MCTP2: variants seen among roughly 807,000 people sequenced by gnomAD.
The protein encoded by MCTP2 is multiple C2 and transmembrane domain-containing protein 2.
MCTP2 carries 132 observed loss-of-function variants against 111.6 expected under a neutral mutation model. The observed-to-expected ratio is 1.18, with a 90% CI of 1.03 to 1.37. The LOEUF (loss-of-function observed/expected upper bound fraction) is 1.37. Ranked by LOEUF, MCTP2 falls within the 40% of genes most tolerant of loss-of-function variation. The pLI is 0.00. For missense variants in MCTP2, 1,183 were observed against 1,067.9 expected (o/e 1.11, Z -1.50); for synonymous variants, 395 against 387.7 (o/e 1.02, Z -0.22).
At chr15:94,423,587 A>G (rs1447296321) in intron 17 of MCTP2, among the ~76,000 whole-genome samples, 1 of 152,200 alleles carries the variant, frequency 6.6e-6, no homozygotes, top group African/African-American at 2.4e-5. Context: ...AATCATACAT[A>G]GTGAGGTACC....
intron 2 of MCTP2, among the ~76,000 whole-genome samples, chr15:94,299,310 AT>A (rs1033093617): frequency 6.6e-6 from 1 of 150,908 alleles, no homozygotes; most frequent in Non-Finnish European, 1.5e-5. Flanking sequence ...TTTTCCTGGA[AT>A]TTTTTTTTAA....
intron 1 of MCTP2, among the ~76,000 whole-genome samples, chr15:94,297,725 G>A (rs537842011): frequency 7.2e-5 from 11 of 152,088 alleles, no homozygotes; most frequent in Non-Finnish European, 1.6e-4. Context: ...GAGTAGTAGC[G>A]ACAGACACCA....
At position 94,358,595 on chromosome 15, in the gene MCTP2, T is replaced by C; in HGVS notation, c.1284T>C (p.His428=). 1 of 1,613,612 alleles carries C rather than the reference T, an allele frequency of 6.2e-7. No homozygotes were observed. The highest frequency in any genetic ancestry group is 8.5e-7 in the Non-Finnish European group (1 of 1,179,676). ...TGTGGGGAAAGGACAACAAAAAGCATGAGGAACGTCTGGGCACGTGAGTCC... is the reference window on the plus strand; with the variant it reads ...TGTGGGGAAAGGACAACAAAAAGCACGAGGAACGTCTGGGCACGTGAGTCC... ...IEVWGKDNKK[H]EERLGTCKVD... Residue 428 remains histidine, a synonymous_variant, in exon 10 of 23, where the codon CAT becomes CAC. Coordinates refer to ENST00000357742, the MANE Select transcript of MCTP2 (RefSeq NM_001385001.1).
At chr15:94,408,205 C>T (rs1356487304) in intron 17 of MCTP2, among the ~76,000 whole-genome samples, 5 of 152,162 alleles carry the variant, frequency 3.3e-5, no homozygotes, top group African/African-American at 7.2e-5. Context: ...GAGCAGACAT[C>T]GCTGCCCATT....
chr15:94,329,129 T>C (rs952157760), intron 4 of MCTP2, among the ~76,000 whole-genome samples: 1 of 152,138 alleles, frequency 6.6e-6, no homozygotes, highest in Non-Finnish European at 1.5e-5. Context: ...AGTCACCCAA[T>C]TCAAGAGGAA....
At chr15:94,402,095 G>C (rs6497203) in intron 17 of MCTP2, 76 bp downstream of exon 17, 2 of 1,543,976 alleles carry the variant, frequency 1.3e-6, no homozygotes, top group African/African-American at 2.7e-5. Context: ...ATATTACAGC[G>C]TAGGTGATTA....
At chr15:94,303,137 A>G (rs1390992853) in intron 2 of MCTP2, among the ~76,000 whole-genome samples, 1 of 147,328 alleles carries the variant, frequency 6.8e-6, no homozygotes, top group South Asian at 2.1e-4. Flanking sequence ...TAGTTTATAT[A>G]TATATATATA....
intron 4 of MCTP2, among the ~76,000 whole-genome samples, chr15:94,320,889 A>G (rs2076602117): frequency 6.6e-6 from 1 of 152,214 alleles, no homozygotes; most frequent in African/African-American, 2.4e-5. Context: ...TGGGACAAGA[A>G]GAGGATTTGG....
chr15:94,467,825 C>G (rs1331997848), intron 20 of MCTP2, among the ~76,000 whole-genome samples: 1 of 152,154 alleles, frequency 6.6e-6, no homozygotes, highest in Admixed American at 6.5e-5. Context: ...CCAAAAAGTT[C>G]TGTTACAGGT....
At chr15:94,369,535 T>G (rs1265805701) in intron 11 of MCTP2, among the ~76,000 whole-genome samples, 2 of 152,188 alleles carry the variant, frequency 1.3e-5, no homozygotes, top group Non-Finnish European at 2.9e-5. Context: ...AAAGTAAATA[T>G]GAATCTAGGG....
intron 1 of MCTP2, among the ~76,000 whole-genome samples, chr15:94,253,964 A>G (rs949629252): frequency 6.6e-5 from 10 of 152,144 alleles, no homozygotes; most frequent in Admixed American, 2.6e-4. Flanking sequence ...TTCACTTTCA[A>G]TGACTCTAAT....
intron 1 of MCTP2, among the ~76,000 whole-genome samples, chr15:94,286,136 A>G (rs1000397636): frequency 6.6e-6 from 1 of 152,208 alleles, no homozygotes; most frequent in Non-Finnish European, 1.5e-5. Flanking sequence ...AATGATCTAG[A>G]GAGAGCTTTT....
At chr15:94,318,224 C>T (rs1004208811) in intron 4 of MCTP2, among the ~76,000 whole-genome samples, 1 of 148,670 alleles carries the variant, frequency 6.7e-6, no homozygotes, top group Non-Finnish European at 1.5e-5. Flanking sequence ...AAAATGTTCT[C>T]AAGCTACATG....
intron 20 of MCTP2, among the ~76,000 whole-genome samples, chr15:94,469,075 A>G (rs186179404): frequency 6.6e-6 from 1 of 152,226 alleles, no homozygotes; most frequent in Non-Finnish European, 1.5e-5. Context: ...TACATTCTAA[A>G]TATGTGAACA....
At position 94,458,091 on chromosome 15, in the gene MCTP2, T is replaced by C. The variant is rs147901464; in HGVS notation, c.2251-46T>C. ...TATAATATTTTCTGTATCAGCATGA[T>C]AAAAAATGAAGTAACTGAGTTAAAT... On this transcript the variant is annotated intron_variant, in intron 19 of 22. Coordinates refer to ENST00000357742, the MANE Select transcript of MCTP2 (RefSeq NM_001385001.1). 762 of 1,063,398 alleles carry C rather than the reference T, an allele frequency of 7.2e-4. 7 individuals are homozygous for C. In the African/African-American group the frequency reaches 0.01, roughly 14 times the overall value. The allele number at this position is 1,063,398 out of a possible 1,614,324, so 65.9% of individuals were successfully genotyped here.
At chr15:94,341,567 T>A (rs1172884674) in intron 7 of MCTP2, 2 of 152,206 alleles carry the variant, frequency 1.3e-5, no homozygotes, top group African/African-American at 4.8e-5. Context: ...AAAGCCTATT[T>A]ATAATTAGGT....
chr15:94,361,267 A>C, intron 10 of MCTP2, among the ~76,000 whole-genome samples: 1 of 151,780 alleles, frequency 6.6e-6, no homozygotes, highest in East Asian at 1.9e-4. Context: ...TTGTTTTTGG[A>C]TAAAACCTTG....
chr15:94,388,309 G>T (rs2080641751), intron 14 of MCTP2, among the ~76,000 whole-genome samples: 1 of 152,162 alleles, frequency 6.6e-6, no homozygotes, highest in Admixed American at 6.5e-5. Flanking sequence ...TCAGTAAGAT[G>T]CTTCGGCTGC....
chr15:94,276,793 T>G (rs1402558396), intron 1 of MCTP2, among the ~76,000 whole-genome samples: 2 of 150,700 alleles, frequency 1.3e-5, no homozygotes, highest in Non-Finnish European at 3.0e-5. Flanking sequence ...AAAAAATCTT[T>G]TGGCAAAATT....
Sources: allele counts gnomAD v4.1 joint callset (sites outside exome capture counted in the v4.1 genomes callset), GRCh38; gene constraint gnomAD v4.1.1; transcripts MANE v1.5; gene names NCBI Gene and HGNC (gene_info 2026-07-23, HGNC 2026-07-21).